The following CNTD1 variants were observed in gnomAD, a reference collection of about 807,000 sequenced individuals.
CNTD1 encodes cyclin N-terminal domain-containing protein 1.
In CNTD1, 17 loss-of-function variants were observed where a neutral mutation model predicts 36.3. The ratio of observed to expected loss-of-function variants is 0.47; its 90% CI spans 0.32 to 0.70. The LOEUF is 0.70. Among genes scored for constraint, CNTD1 ranks in the 30% least tolerant of loss-of-function variants. CNTD1 has a pLI of 0.03. For missense variants in CNTD1, 338 were observed against 386.1 expected (o/e 0.88, Z 1.04); for synonymous variants, 128 against 153.3 (o/e 0.83, Z 1.22).
rs747552734 is a variant in CNTD1, at chr17:42,811,048, G to A, written c.*1513G>A. On this transcript the variant is annotated 3_prime_UTR_variant, in exon 7 of 7. Transcript: ENST00000588408. The stretch of plus-strand genomic sequence containing the variant: ...TATCTATTAAAGAACACTTGGTGAG[G>A]AATGATAGTGTATTTTGGATTTGCT... 1 of 1,065,018 alleles carries A rather than the reference G, an allele frequency of 9.4e-7. No homozygotes were observed. The highest frequency in any genetic ancestry group is 2.0e-5 in the South Asian group (1 of 49,622). The allele number at this position is 1,065,018 out of a possible 1,614,324, so 66.0% of individuals were successfully genotyped here. A position where few individuals can be genotyped will look rare whatever the true frequency, so the allele number is the denominator to read the frequency against.
chr17:42,808,584 G>A (rs906098106), intron 6 of CNTD1, among the ~76,000 whole-genome samples: 23 of 150,482 alleles, frequency 1.5e-4, no homozygotes, highest in African/African-American at 2.7e-4. Flanking sequence ...AAAATTAGCC[G>A]GGCATGGTGG....
At position 42,806,717 on chromosome 17, in the gene CNTD1, C is replaced by T; in HGVS notation, c.624C>T (p.Thr208=). 1.2e-6 allele frequency: 2 copies of T among 1,614,120 alleles called. No individual in the cohort carries two copies. Among genetic ancestry groups the T allele is most frequent in the Non-Finnish European group, 1.7e-6 (2 of 1,179,988 alleles). The part of the protein sequence containing the change: ...CLVPAMRLHA[T]CLTLLDLVYL... ...TTCCAGCCATGAGGCTGCATGCAAC[C>T]TGCCTGACACTGCTCGACCTGGTCT... The change falls in exon 5 of 7, where the codon ACC becomes ACT. Residue 208 remains threonine, a synonymous_variant. Transcript: ENST00000588408.
intron 3 of CNTD1, among the ~76,000 whole-genome samples, chr17:42,804,929 C>T (rs548706371): frequency 8.5e-5 from 13 of 152,244 alleles, no homozygotes; most frequent in South Asian, 8.3e-4. Context: ...CACACACACA[C>T]GCACACACAT....
intron 5 of CNTD1, 104 bp from the exon 6 acceptor site, chr17:42,807,664 A>C (rs1408785840): frequency 1.3e-5 from 11 of 836,168 alleles, no homozygotes. Context: ...AAAAAATCCA[A>C]GATGATCGAC....
chr17:42,807,534 A>G (rs184755445), intron 5 of CNTD1, among the ~76,000 whole-genome samples: 13 of 149,418 alleles, frequency 8.7e-5, no homozygotes, highest in African/African-American at 3.1e-4. Context: ...GGAAACAGAT[A>G]GAACTAAAAA....
upstream of CNTD1, chr17:42,798,827 G>A (rs1230539203): frequency 1.2e-5 from 18 of 1,444,738 alleles, no homozygotes; most frequent in Non-Finnish European, 1.4e-5. Context: ...GATGGACGCG[G>A]GAGGTGAGAA....
In CNTD1 at chr17:42,810,720, T is replaced by C. The variant is rs751118453; in HGVS notation, c.*1185T>C. The C allele has an allele frequency of 3.0e-5, 46 of 1,537,086 alleles. No homozygotes were observed. Among genetic ancestry groups the C allele is most frequent in the Non-Finnish European group, 3.7e-5 (42 of 1,140,958 alleles). On this transcript the variant is annotated 3_prime_UTR_variant, in exon 7 of 7. Transcript: ENST00000588408. ...AAACATGTTTGCAAACAAAACAAAA[T>C]TAAAAGCCTTTAAGGCAAACCTCCC...
rs767611711 is a variant in CNTD1, at chr17:42,799,193, G to C, written c.126G>C (p.Glu42Asp). Residue 42 changes from glutamate (E) to aspartate (D), a missense_variant, in exon 1 of 7, where the codon GAG (glutamate) becomes GAC (aspartate). Coordinates refer to ENST00000588408, the MANE Select transcript of CNTD1 (RefSeq NM_173478.3). ...LAQQNEQAVR[E>D]ASGRLGRFRE... ...AGCAGAATGAGCAAGCAGTGAGGGA[G>C]GCTTCGGGGCGGCTGGGCCGCTTCA... 1.1e-5 allele frequency: 17 copies of C among 1,614,130 alleles called. No homozygotes were observed. The Admixed American group carries it at 2.8e-4, about 27-fold the overall frequency.
At chr17:42,806,006 T>C in intron 4 of CNTD1, 122 bp downstream of exon 4, 2 of 875,514 alleles carry the variant, frequency 2.3e-6, no homozygotes, top group South Asian at 1.7e-5. Context: ...GGTAGGTGGA[T>C]CACTTGAGGC....
At chr17:42,798,838 G>A (rs2054719265), upstream of CNTD1, 1 of 1,442,086 alleles carries the variant, frequency 6.9e-7, no homozygotes, top group African/African-American at 1.4e-5. Flanking sequence ...GAGGTGAGAA[G>A]CGGACGTGCT....
intron 1 of CNTD1, among the ~76,000 whole-genome samples, chr17:42,802,363 A>T (rs2054810082): frequency 6.6e-6 from 1 of 152,190 alleles, no homozygotes; most frequent in South Asian, 2.1e-4. Flanking sequence ...CATCCATTCC[A>T]CCTAATCCAA....
In CNTD1 at chr17:42,799,183, C is replaced by T. The variant is rs775274061; in HGVS notation, c.116C>T (p.Ala39Val). The T allele has an allele frequency of 1.2e-6, 2 of 1,613,938 alleles. No homozygotes were observed. The highest frequency in any genetic ancestry group is 1.7e-6 in the Non-Finnish European group (2 of 1,179,994). Residue 39 changes from alanine (A) to valine (V), a missense_variant, in exon 1 of 7, where the codon GCA (alanine) becomes GTA (valine). Ala to Val is a moderately conservative substitution (Grantham distance 64, BLOSUM62 0). Coordinates refer to ENST00000588408, the MANE Select transcript of CNTD1 (RefSeq NM_173478.3). ...LLHLAQQNEQ[A>V]VREASGRLGR... ...CACTTGGCCCAGCAGAATGAGCAAGCAGTGAGGGAGGCTTCGGGGCGGCTG... is the reference window on the plus strand; with the variant it reads ...CACTTGGCCCAGCAGAATGAGCAAGTAGTGAGGGAGGCTTCGGGGCGGCTG...
At chr17:42,802,978 C>T (rs2054820712) in intron 1 of CNTD1, among the ~76,000 whole-genome samples, 1 of 152,162 alleles carries the variant, frequency 6.6e-6, no homozygotes, top group Non-Finnish European at 1.5e-5. Context: ...GCTATGTTCT[C>T]CAATTTAGGG....
intron 4 of CNTD1, 53 bp downstream of exon 4, chr17:42,805,937 C>T (rs191118712): frequency 2.0e-4 from 297 of 1,511,490 alleles, no homozygotes; most frequent in Admixed American, 5.4e-4. Context: ...GAAGGCAATA[C>T]AAAATGTGCA....
intron 6 of CNTD1, among the ~76,000 whole-genome samples, chr17:42,809,017 T>G (rs987425786): frequency 3.9e-5 from 6 of 151,918 alleles, no homozygotes; most frequent in African/African-American, 1.5e-4. Context: ...ACCACTGCAT[T>G]GCAGCCTGGC....
At chr17:42,805,542 G>A in intron 3 of CNTD1, 180 bp from the exon 4 acceptor site, 1 of 502,710 alleles carries the variant, frequency 2.0e-6, no homozygotes, top group Non-Finnish European at 3.5e-6. Context: ...GAGAGGGACA[G>A]CATGGTGGGT....
rs1381583234 is a variant in CNTD1, at chr17:42,798,915, G to T, written c.-153G>T. 4 of 1,449,880 alleles carry T rather than the reference G, an allele frequency of 2.8e-6. No homozygotes were observed. The highest frequency in any genetic ancestry group is 3.6e-6 in the Non-Finnish European group (4 of 1,105,618). The allele number at this position is 1,449,880 out of a possible 1,614,324, so 89.8% of individuals were successfully genotyped here. ...AAGCTGTGGAGGGTTCGAGGCTGTGGTGGTAATTGGGTTTTCCTCAGACTT... is the reference window on the plus strand; with the variant it reads ...AAGCTGTGGAGGGTTCGAGGCTGTGTTGGTAATTGGGTTTTCCTCAGACTT... On this transcript the variant is annotated 5_prime_UTR_variant, in exon 1 of 7. Coordinates refer to ENST00000588408, the MANE Select transcript of CNTD1 (RefSeq NM_173478.3).
In CNTD1 at chr17:42,804,292, G is replaced by C. The variant is rs1331628810; in HGVS notation, c.313G>C (p.Glu105Gln). The C allele has an allele frequency of 1.2e-6, 2 of 1,614,070 alleles. No individual in the cohort carries two copies. Among genetic ancestry groups the C allele is most frequent in the Non-Finnish European group, 8.5e-7 (1 of 1,179,980 alleles). Residue 105 changes from glutamate (E) to glutamine (Q), a missense_variant, in exon 3 of 7, where the codon GAG becomes CAG. Glu to Gln is a conservative substitution (Grantham distance 29). Transcript: ENST00000588408. Reference sequence around the variant, plus strand: ...AATCCAGCCAAGAGATAATAAGAGAGAGTCTCAGAATTGGAGGGCTCTGAA... The same window carrying C: ...AATCCAGCCAAGAGATAATAAGAGACAGTCTCAGAATTGGAGGGCTCTGAA... The part of the protein sequence containing the change: ...ATIQPRDNKR[E>Q]SQNWRALKQQ...
Position 42,807,347 on chromosome 17 carries a change from G to A in CNTD1, c.726-421G>A, listed in dbSNP as rs538758403. Among the ~76,000 whole-genome samples the A allele has an allele frequency of 5.3e-5, 8 of 152,156 alleles. No homozygotes were observed. The South Asian group carries it at 6.2e-4, about 12-fold the overall frequency. ...GGAGAATGGCGTGAACCCAGGAGGC[G>A]GAGCTTGCAGTGAGCTGAGATGGCG... is the stretch of plus-strand genomic sequence containing the variant. On this transcript the variant is annotated intron_variant, in intron 5 of 6. Coordinates refer to ENST00000588408, the MANE Select transcript of CNTD1 (RefSeq NM_173478.3).
Sources: allele counts gnomAD v4.1 joint callset (sites outside exome capture counted in the v4.1 genomes callset), GRCh38; gene constraint gnomAD v4.1.1; transcripts MANE v1.5; gene names NCBI Gene and HGNC (gene_info 2026-07-23, HGNC 2026-07-21).